The following UPF3A variants were observed in gnomAD, a reference collection of about 807,000 sequenced individuals.
UPF3A encodes the protein regulator of nonsense transcripts 3A.
In UPF3A, 42 loss-of-function variants were observed where a neutral mutation model predicts 53.5. That is an observed-to-expected ratio of 0.78 (90% CI 0.61 to 1.01). The LOEUF (loss-of-function observed/expected upper bound fraction) is 1.01, where lower values mean the gene tolerates loss of function less well. UPF3A is among the 50% of genes least tolerant of loss of function. The probability of loss-of-function intolerance (pLI) is 0.00; values close to 1 mark genes in which losing one functional copy is unlikely to be tolerated. For missense variants in UPF3A, 575 were observed against 598.0 expected, an observed-to-expected ratio of 0.96 and a Z score of 0.40; for synonymous variants, 237 against 225.3, an observed-to-expected ratio of 1.05 and a Z score of -0.47.
intron 7 of UPF3A, among the ~76,000 whole-genome samples, chr13:114,294,989 G>A (rs1416283556): frequency 6.6e-6 from 1 of 151,710 alleles, no homozygotes; most frequent in East Asian, 1.9e-4. Context: ...GCGGGAGCCT[G>A]TAGTCCCAGC....
In UPF3A at chr13:114,281,852, G is replaced by A; in HGVS notation, c.207+6G>A. On this transcript the variant is annotated splice_donor_region_variant and intron_variant, in intron 1 of 9. Transcript: ENST00000375299. ...AGAGGACGGCCCTGAGCAAGGTGGGGACGGGGGCGGGGCGCGCAAACCTCG... is the reference window on the plus strand; with the variant it reads ...AGAGGACGGCCCTGAGCAAGGTGGGAACGGGGGCGGGGCGCGCAAACCTCG... 6.6e-7 allele frequency: 1 copy of A among 1,524,718 alleles called. No homozygotes were observed. The highest frequency in any genetic ancestry group is 1.2e-5 in the South Asian group (1 of 82,630). 94.4% of individuals were successfully genotyped at this position (1,524,718 alleles called of 1,614,324 possible).
In UPF3A at chr13:114,298,930, G is replaced by C. The variant is rs1410446045; in HGVS notation, c.937G>C (p.Glu313Gln). 6.2e-7 allele frequency: 1 copy of C among 1,610,396 alleles called. No homozygotes were observed. The highest frequency in any genetic ancestry group is 1.1e-5 in the South Asian group (1 of 90,250). ...EEIDTGGGKQ[E>Q]SCAPGAVVKA... ...GATTGATACTGGAGGTGGCAAGCAG[G>C]AATCCTGTGCCCCCGGTGCAGTCGT... Residue 313 changes from glutamate to glutamine, a missense_variant, in exon 8 of 10, where the codon GAA (glutamate) becomes CAA (glutamine). Transcript: ENST00000375299.
At chr13:114,302,850 C>T (rs2086715405) in intron 9 of UPF3A, among the ~76,000 whole-genome samples, 1 of 152,134 alleles carries the variant, frequency 6.6e-6, no homozygotes, top group Non-Finnish European at 1.5e-5. Context: ...ACCTATAATC[C>T]CAGCACTTTG....
chr13:114,281,677 C>A lies in UPF3A; in HGVS notation c.38C>A (p.Ala13Glu), dbSNP rs1014520051. The change falls in exon 1 of 10, where the codon GCG becomes GAG. Residue 13 changes from alanine (A) to glutamate (E), a missense_variant. By Grantham distance (107) the Ala-to-Glu change is moderately radical. Transcript: ENST00000375299. The part of the protein sequence containing the change: ...SEKEGAGGLR[A>E]AVAARGPSGR... The stretch of plus-strand genomic sequence containing the variant: ...AAGGAGGGGGCCGGAGGCCTTCGGG[C>A]GGCCGTTGCCGCGCGGGGCCCGAGC... 6.5e-7 allele frequency: 1 copy of A among 1,529,690 alleles called. No homozygotes were observed. Among genetic ancestry groups the A allele is most frequent in the Non-Finnish European group, 8.8e-7 (1 of 1,139,446 alleles). The allele number at this position is 1,529,690 out of a possible 1,614,324, so 94.8% of individuals were successfully genotyped here.
At position 114,287,054 on chromosome 13, in the gene UPF3A, G is replaced by C. The variant is rs1044786643; in HGVS notation, c.631+425G>C. Reference sequence around the variant, plus strand: ...CTTCAACACAAATGCCAGGCTCCCCGAGCCAGGCCAACTTGTGGATAAGCC... The same window carrying C: ...CTTCAACACAAATGCCAGGCTCCCCCAGCCAGGCCAACTTGTGGATAAGCC... On this transcript the variant is annotated intron_variant, in intron 5 of 9. Coordinates refer to ENST00000375299, the MANE Select transcript of UPF3A (RefSeq NM_023011.4). 3 of 160,402 alleles carry C rather than the reference G, an allele frequency of 1.9e-5. 1 individual carries two copies. The South Asian group carries it at 5.2e-4, about 28-fold the overall frequency. 9.9% of individuals were successfully genotyped at this position (160,402 alleles called of 1,614,324 possible).
intron 5 of UPF3A, 36 bp from the exon 6 acceptor site, chr13:114,291,453 G>T (rs1053845485): frequency 9.3e-6 from 14 of 1,510,368 alleles, no homozygotes; most frequent in Non-Finnish European, 9.0e-6. Context: ...TCTTTCTTTA[G>T]GAGTTAAATA....
chr13:114,301,446 G>A (rs1311144096), intron 8 of UPF3A, among the ~76,000 whole-genome samples: 3 of 149,374 alleles, frequency 2.0e-5, no homozygotes, highest in Non-Finnish European at 4.4e-5. Flanking sequence ...CTGGGCAACA[G>A]AGCGAGACTC....
chr13:114,281,885 A>T, intron 1 of UPF3A, 39 bp downstream of exon 1: 5 of 1,126,794 alleles, frequency 4.4e-6, no homozygotes, highest in Non-Finnish European at 5.9e-6. Flanking sequence ...TCGCGAGGAG[A>T]GGACGGCCCT....
At chr13:114,295,149 G>C (rs2085761301) in intron 7 of UPF3A, among the ~76,000 whole-genome samples, 2 of 151,630 alleles carry the variant, frequency 1.3e-5, no homozygotes, top group South Asian at 4.2e-4. Flanking sequence ...ACGGCACACA[G>C]AACAGCTCAG....
intron 5 of UPF3A, among the ~76,000 whole-genome samples, chr13:114,290,955 G>A (rs1443685303): frequency 6.6e-6 from 1 of 151,684 alleles, no homozygotes; most frequent in South Asian, 2.1e-4. Context: ...GGCTGGTCTC[G>A]AATTCCCAAT....
At chr13:114,302,627 C>T (rs2086696329) in intron 9 of UPF3A, among the ~76,000 whole-genome samples, 1 of 152,216 alleles carries the variant, frequency 6.6e-6, no homozygotes, top group Non-Finnish European at 1.5e-5. Context: ...CACCTCCCTC[C>T]CCATGTCTAA....
At chr13:114,290,574 C>T (rs2085173257) in intron 5 of UPF3A, among the ~76,000 whole-genome samples, 1 of 152,156 alleles carries the variant, frequency 6.6e-6, no homozygotes, top group African/African-American at 2.4e-5. Context: ...GGGCCTCTAG[C>T]TTGCCTGGGC....
intron 7 of UPF3A, among the ~76,000 whole-genome samples, chr13:114,295,718 C>G (rs1239607917): frequency 6.6e-6 from 1 of 152,232 alleles, no homozygotes; most frequent in Non-Finnish European, 1.5e-5. Flanking sequence ...TCCCCCTTGA[C>G]CACCGTTGCC....
chr13:114,293,100 C>T (rs1437693295), intron 7 of UPF3A, among the ~76,000 whole-genome samples: 1 of 138,196 alleles, frequency 7.2e-6, no homozygotes, highest in Non-Finnish European at 1.5e-5. Flanking sequence ...AAAAAATTTC[C>T]TGGCCGGGTG....
chr13:114,293,925 C>T (rs1205654571), intron 7 of UPF3A, among the ~76,000 whole-genome samples: 1 of 152,038 alleles, frequency 6.6e-6, no homozygotes. Context: ...AGGTCAAGAC[C>T]AGCCTGGGCA....
Position 114,283,014 on chromosome 13 carries a change from G to C in UPF3A, c.421+71G>C. On this transcript the variant is annotated intron_variant, in intron 3 of 9. Transcript: ENST00000375299. ...CTAATGAAGTATTGCTAGAATATTC[G>C]TGCTTTTTAAATTATTATTATTTTT... 4 of 1,186,452 alleles carry C rather than the reference G, an allele frequency of 3.4e-6. No homozygotes were observed. The South Asian group carries it at 4.1e-5, about 12-fold the overall frequency. 73.5% of individuals were successfully genotyped at this position (1,186,452 alleles called of 1,614,324 possible).
At chr13:114,294,543 G>A (rs956326722) in intron 7 of UPF3A, among the ~76,000 whole-genome samples, 4 of 152,208 alleles carry the variant, frequency 2.6e-5, no homozygotes, top group Non-Finnish European at 4.4e-5. Flanking sequence ...GCCACCGTGC[G>A]TAGCACTCAT....
Position 114,298,894 on chromosome 13 carries a change from A to G in UPF3A, c.901A>G (p.Arg301Gly), listed in dbSNP as rs1415863369. Residue 301 changes from arginine (R) to glycine (G), a missense_variant, in exon 8 of 10, where the codon AGA becomes GGA. By Grantham distance (125) the Arg-to-Gly change is moderately radical (BLOSUM62 -2). This residue lies in a region of UPF3A where 323 missense variants were observed against 415.2 expected (regional missense o/e 0.78). Coordinates refer to ENST00000375299, the MANE Select transcript of UPF3A (RefSeq NM_023011.4). ...EEPTTEKPKE[R>G]GEEIDTGGGK... ...ACCAACCACAGAGAAACCAAAAGAA[A>G]GAGGAGAGGAGATTGATACTGGAGG... 2 of 1,600,614 alleles carry G rather than the reference A, an allele frequency of 1.2e-6. No individual in the cohort carries two copies. Among genetic ancestry groups the G allele is most frequent in the Non-Finnish European group, 1.7e-6 (2 of 1,174,628 alleles).
chr13:114,300,552 G>GT (rs1217222442), intron 8 of UPF3A, among the ~76,000 whole-genome samples: 2 of 134,426 alleles, frequency 1.5e-5, no homozygotes, highest in Non-Finnish European at 3.2e-5. Flanking sequence ...TTTTTTTTTT[G>GT]TTTTTTTGAA....
Sources: allele counts gnomAD v4.1 joint callset (sites outside exome capture counted in the v4.1 genomes callset), GRCh38; gene constraint gnomAD v4.1.1; regional missense constraint gnomAD v4.1.1; transcripts MANE v1.5; gene names NCBI Gene and HGNC (gene_info 2026-07-23, HGNC 2026-07-21).